The following CSMD1 variants were observed in gnomAD, a reference collection of about 807,000 sequenced individuals.
CSMD1 encodes the protein CUB and sushi domain-containing protein 1.
In CSMD1, 213 loss-of-function variants were observed where a neutral mutation model predicts 417.5. The observed-to-expected ratio is 0.51, with a 90% CI of 0.46 to 0.57. The LOEUF (loss-of-function observed/expected upper bound fraction) is 0.57. CSMD1 is among the 20% of genes least tolerant of loss of function. CSMD1 has a pLI of 0.00. For missense variants in CSMD1, 6,923 were observed against 4,529.7 expected (o/e 1.53, Z -15.17); for synonymous variants, 2,862 against 1,736.8 (o/e 1.65, Z -16.11).
intron 33 of CSMD1, among the ~76,000 whole-genome samples, chr8:3,198,657 T>C (rs2116712096): frequency 6.6e-6 from 1 of 152,314 alleles, no homozygotes; most frequent in African/African-American, 2.4e-5. Flanking sequence ...TGCTGAAAAC[T>C]GAAGGGTTTT....
intron 1 of CSMD1, among the ~76,000 whole-genome samples, chr8:4,809,123 G>A (rs913690877): frequency 2.0e-5 from 3 of 152,148 alleles, no homozygotes; most frequent in Non-Finnish European, 4.4e-5. Flanking sequence ...CCAATAAAAG[G>A]AGCCATAGCT....
chr8:3,918,453 A>G (rs1398964565), intron 5 of CSMD1, among the ~76,000 whole-genome samples: 1 of 152,100 alleles, frequency 6.6e-6, no homozygotes, highest in African/African-American at 2.4e-5. Context: ...AATTATATTG[A>G]TCACCTTTTT....
chr8:3,359,592 G>C (rs377756754), intron 20 of CSMD1, among the ~76,000 whole-genome samples: 3 of 151,476 alleles, frequency 2.0e-5, no homozygotes, highest in Admixed American at 2.0e-4. Flanking sequence ...CTAGAGGCTG[G>C]GAAGGGGGTG....
At chr8:4,410,715 G>A (rs922236193) in intron 3 of CSMD1, among the ~76,000 whole-genome samples, 1 of 152,156 alleles carries the variant, frequency 6.6e-6, no homozygotes, top group Admixed American at 6.5e-5. Flanking sequence ...TGGGAGAGAA[G>A]TATGTACAGA....
intron 7 of CSMD1, among the ~76,000 whole-genome samples, chr8:3,705,410 CCT>C (rs1389002951): frequency 6.6e-6 from 1 of 152,176 alleles, no homozygotes; most frequent in Non-Finnish European, 1.5e-5. Flanking sequence ...AGTGTCCACC[CCT>C]GTCTGGCTTT....
intron 1 of CSMD1, among the ~76,000 whole-genome samples, chr8:4,882,117 A>G (rs920178763): frequency 6.6e-6 from 1 of 152,058 alleles, no homozygotes; most frequent in Non-Finnish European, 1.5e-5. Context: ...TTGTAAAATA[A>G]ACTAGAGTAG....
chr8:4,300,801 G>C lies in CSMD1; in HGVS notation c.415+119152C>G, dbSNP rs145508392. On this transcript the variant is annotated intron_variant, in intron 3 of 69. Transcript: ENST00000635120. ...CATGCAGTGTTTGGTTTTTTGTCCTGGCAATAGTTTGCTGAGAATGATGGT... is the reference window on the plus strand; with the variant it reads ...CATGCAGTGTTTGGTTTTTTGTCCTCGCAATAGTTTGCTGAGAATGATGGT... Among the ~76,000 whole-genome samples, 917 of 152,142 alleles carry C rather than the reference G, an allele frequency of 6.0e-3. 5 individuals are homozygous for C. The highest frequency in any genetic ancestry group is 8.3e-3 in the Non-Finnish European group (565 of 68,008).
At chr8:3,598,855 G>A (rs1801218362) in intron 8 of CSMD1, among the ~76,000 whole-genome samples, 1 of 152,182 alleles carries the variant, frequency 6.6e-6, no homozygotes, top group South Asian at 2.1e-4. Flanking sequence ...GGCCGACACA[G>A]GTGGATCACA....
At chr8:3,718,841 C>T (rs1801982605) in intron 6 of CSMD1, among the ~76,000 whole-genome samples, 1 of 152,106 alleles carries the variant, frequency 6.6e-6, no homozygotes, top group South Asian at 2.1e-4. Context: ...CAGGATTTAA[C>T]TTGGAAGCAG....
At chr8:4,960,012 C>T (rs944260764) in intron 1 of CSMD1, among the ~76,000 whole-genome samples, 1 of 152,136 alleles carries the variant, frequency 6.6e-6, no homozygotes, top group African/African-American at 2.4e-5. Flanking sequence ...CACTAGGATG[C>T]AATTTCAACA....
At chr8:3,453,904 C>T (rs1019673492) in intron 12 of CSMD1, among the ~76,000 whole-genome samples, 2 of 152,112 alleles carry the variant, frequency 1.3e-5, no homozygotes, top group African/African-American at 4.8e-5. Flanking sequence ...CTGATGTTGA[C>T]AGTAGGGTGT....
Position 4,330,558 on chromosome 8 carries a change from T to A in CSMD1, c.415+89395A>T, listed in dbSNP as rs1334889899. Reference sequence around the variant, plus strand: ...TAAGCCAAGATCACACCACAGCACTTCAGCCTGGGCAACAGAGTGAAACCC... The same window carrying A: ...TAAGCCAAGATCACACCACAGCACTACAGCCTGGGCAACAGAGTGAAACCC... On this transcript the variant is annotated intron_variant, in intron 3 of 69. Coordinates refer to ENST00000635120, the MANE Select transcript of CSMD1 (RefSeq NM_033225.6). Among the ~76,000 whole-genome samples the A allele has an allele frequency of 2.0e-5, 3 of 150,904 alleles. No homozygotes were observed. The South Asian group carries it at 6.3e-4, about 32-fold the overall frequency.
At chr8:4,888,219 T>C (rs1254907111) in intron 1 of CSMD1, among the ~76,000 whole-genome samples, 2 of 151,738 alleles carry the variant, frequency 1.3e-5, no homozygotes, top group Admixed American at 6.6e-5. Context: ...AAAGAAAAAA[T>C]AGAAAGAAAA....
rs377104643 is a variant in CSMD1 at position 2,963,242 on chromosome 8, C to T, written c.9434G>A (p.Gly3145Glu). The T allele has an allele frequency of 6.2e-7, 1 of 1,613,762 alleles. No homozygotes were observed. ...LSCEGRGVWK[G>E]EIPQCLPVFC... ...CTTACGGAGACACTGGGGGATCTCT[C>T]CTTTCCACACCCCGCGACCTTCACA... The change falls in exon 60 of 70, where the codon GGA (glycine) becomes GAA (glutamate). Residue 3145 changes from glycine (G) to glutamate (E), a missense_variant. Gly to Glu is a moderately conservative substitution (Grantham distance 98). Transcript: ENST00000635120.
chr8:3,786,237 A>G (rs929975468), intron 5 of CSMD1, among the ~76,000 whole-genome samples: 1 of 152,054 alleles, frequency 6.6e-6, no homozygotes, highest in East Asian at 1.9e-4. Flanking sequence ...TCGCTAAGAC[A>G]TTGTCGGGAG....
intron 1 of CSMD1, among the ~76,000 whole-genome samples, chr8:4,667,068 T>C (rs1413285936): frequency 6.6e-6 from 1 of 152,216 alleles, no homozygotes; most frequent in Admixed American, 6.5e-5. Context: ...CTTCTACATG[T>C]ACAGGTCCAG....
chr8:4,408,631 T>C (rs554599362), intron 3 of CSMD1, among the ~76,000 whole-genome samples: 7 of 152,328 alleles, frequency 4.6e-5, no homozygotes, highest in Admixed American at 6.5e-5. Context: ...ATGTACTCTA[T>C]ATGACACCAT....
intron 2 of CSMD1, among the ~76,000 whole-genome samples, chr8:4,594,849 T>A (rs1800172203): frequency 1.3e-5 from 2 of 152,184 alleles, no homozygotes; most frequent in Admixed American, 6.5e-5. Flanking sequence ...ACACAATTCC[T>A]TAGTAAATCT....
chr8:3,461,272 A>T (rs1816483460), intron 12 of CSMD1, among the ~76,000 whole-genome samples: 1 of 152,212 alleles, frequency 6.6e-6, no homozygotes, highest in South Asian at 2.1e-4. Context: ...CACAGACTGC[A>T]AGTCCAGAAG....
Sources: gnomAD v4.1 joint callset for allele counts (sites outside exome capture counted in the v4.1 genomes callset) on GRCh38, gnomAD v4.1.1 for gene constraint, MANE v1.5 for transcripts, NCBI Gene and HGNC (gene_info 2026-07-23, HGNC 2026-07-21) for gene names.